The following NTNG1 variants were observed in gnomAD, a reference collection of about 807,000 sequenced individuals.
The protein encoded by NTNG1 is netrin-G1.
A neutral mutation model predicts 54.0 loss-of-function variants in NTNG1; 16 were observed. The observed-to-expected ratio is 0.30, with a 90% CI of 0.20 to 0.45. NTNG1 has a LOEUF of 0.45. Ranked by LOEUF, NTNG1 falls within the 20% of genes least tolerant of loss-of-function variation. The pLI is 1.00. For missense variants in NTNG1, 530 were observed against 678.7 expected, an observed-to-expected ratio of 0.78 and a Z score of 2.43; for synonymous variants, 255 against 263.1, an observed-to-expected ratio of 0.97 and a Z score of 0.30.
chr1:107,209,944 G>A (rs1659494924), intron 2 of NTNG1, among the ~76,000 whole-genome samples: 1 of 151,798 alleles, frequency 6.6e-6, no homozygotes, highest in Non-Finnish European at 1.5e-5. Flanking sequence ...TAAATTGGAT[G>A]GTTCAGGATT....
At chr1:107,379,764 C>A (rs1671526177) in intron 3 of NTNG1, among the ~76,000 whole-genome samples, 1 of 151,962 alleles carries the variant, frequency 6.6e-6, no homozygotes, top group African/African-American at 2.4e-5. Flanking sequence ...TGTTAAAATC[C>A]AGTTTTACAG....
chr1:107,314,153 C>G (rs1201481932), intron 2 of NTNG1, among the ~76,000 whole-genome samples: 1 of 152,080 alleles, frequency 6.6e-6, no homozygotes, highest in African/African-American at 2.4e-5. Flanking sequence ...GCCTGTAATC[C>G]CAGCACTTTG....
intron 2 of NTNG1, among the ~76,000 whole-genome samples, chr1:107,303,834 A>C (rs1022790285): frequency 1.8e-4 from 28 of 151,930 alleles, no homozygotes; most frequent in South Asian, 4.2e-4. Flanking sequence ...CTACAGGCGC[A>C]CGCCACCACA....
At chr1:107,221,356 CA>C (rs1452409643) in intron 2 of NTNG1, among the ~76,000 whole-genome samples, 1 of 152,144 alleles carries the variant, frequency 6.6e-6, no homozygotes, top group Non-Finnish European at 1.5e-5. Context: ...TAAAAAGAAA[CA>C]AGCAAACACC....
intron 4 of NTNG1, among the ~76,000 whole-genome samples, chr1:107,404,672 C>T (rs1673289586): frequency 6.6e-6 from 1 of 151,984 alleles, no homozygotes; most frequent in African/African-American, 2.4e-5. Flanking sequence ...GGAACTTGTG[C>T]CCTCAGATCT....
chr1:107,402,322 T>A (rs1004396737), intron 4 of NTNG1, among the ~76,000 whole-genome samples: 20 of 152,280 alleles, frequency 1.3e-4, no homozygotes, highest in Admixed American at 4.6e-4. Context: ...GCCTTCTTCA[T>A]GCCAACAGGA....
chr1:107,257,405 A>G (rs1663000747), intron 2 of NTNG1, among the ~76,000 whole-genome samples: 1 of 152,236 alleles, frequency 6.6e-6, no homozygotes, highest in Admixed American at 6.5e-5. Flanking sequence ...TAGACTGGAA[A>G]ATAAAAAGAA....
chr1:107,191,654 A>C (rs1164508995), intron 2 of NTNG1, among the ~76,000 whole-genome samples: 1 of 151,024 alleles, frequency 6.6e-6, no homozygotes, highest in Non-Finnish European at 1.5e-5. Flanking sequence ...ATGGCTAGCC[A>C]GTTTTCCCAG....
At chr1:107,291,487 A>G (rs1665601865) in intron 2 of NTNG1, among the ~76,000 whole-genome samples, 2 of 152,316 alleles carry the variant, frequency 1.3e-5, no homozygotes, top group South Asian at 4.1e-4. Flanking sequence ...ACATATGTAT[A>G]TGTAAATATA....
chr1:107,285,445 T>G (rs1665132585), intron 2 of NTNG1, among the ~76,000 whole-genome samples: 1 of 152,116 alleles, frequency 6.6e-6, no homozygotes, highest in Non-Finnish European at 1.5e-5. Flanking sequence ...CTTTTTCCCT[T>G]TCAAAGGCTT....
intron 2 of NTNG1, among the ~76,000 whole-genome samples, chr1:107,258,113 C>T (rs1301552720): frequency 1.3e-5 from 2 of 151,916 alleles, no homozygotes; most frequent in Non-Finnish European, 2.9e-5. Context: ...GCAGTCTTGC[C>T]CTGTGTAGAT....
At chr1:107,332,618 T>G (rs1480015414) in intron 3 of NTNG1, among the ~76,000 whole-genome samples, 1 of 152,056 alleles carries the variant, frequency 6.6e-6, no homozygotes, top group East Asian at 1.9e-4. Flanking sequence ...GGCCATTGTT[T>G]GATACTTAGT....
intron 5 of NTNG1, among the ~76,000 whole-genome samples, chr1:107,410,809 G>A (rs1673749294): frequency 6.6e-6 from 1 of 151,904 alleles, no homozygotes; most frequent in Non-Finnish European, 1.5e-5. Flanking sequence ...ATGATCTTTG[G>A]TCCTGAAAAG....
intron 3 of NTNG1, among the ~76,000 whole-genome samples, chr1:107,326,651 T>C (rs1483937177): frequency 6.6e-6 from 1 of 152,122 alleles, no homozygotes; most frequent in Non-Finnish European, 1.5e-5. Flanking sequence ...TCTACATTGC[T>C]CGGTAGATTC....
intron 7 of NTNG1, among the ~76,000 whole-genome samples, chr1:107,456,538 A>G: frequency 6.6e-6 from 1 of 152,128 alleles, no homozygotes. Context: ...CTCCCACCAG[A>G]ATCAAGTAGA....
intron 2 of NTNG1, among the ~76,000 whole-genome samples, chr1:107,308,546 T>G (rs1666818572): frequency 6.6e-6 from 1 of 152,186 alleles, no homozygotes; most frequent in South Asian, 2.1e-4. Context: ...ACTGTTTTGG[T>G]TACTGTAGCC....
chr1:107,171,535 T>C lies in NTNG1; in HGVS notation c.246+22696T>C, dbSNP rs2101092573. 2.0e-5 allele frequency among the ~76,000 whole-genome samples: 3 copies of C among 152,254 alleles called. No individual in the cohort carries two copies. The East Asian group carries it at 5.8e-4, about 29-fold the overall frequency. On this transcript the variant is annotated intron_variant, in intron 2 of 7. Transcript: ENST00000370068. ...ATGACTCAAAGACACTGGGTTCTTT[T>C]TCGGTCTCCTCAGCAGCCAGTGGTC... is the stretch of plus-strand genomic sequence containing the variant.
At chr1:107,356,016 G>A (rs1418450569) in intron 3 of NTNG1, among the ~76,000 whole-genome samples, 1 of 152,008 alleles carries the variant, frequency 6.6e-6, no homozygotes, top group Non-Finnish European at 1.5e-5. Context: ...TCATATTTTG[G>A]GCTGTTTTAC....
At chr1:107,264,650 TTGCATC>T (rs1450484043) in intron 2 of NTNG1, among the ~76,000 whole-genome samples, 1 of 152,258 alleles carries the variant, frequency 6.6e-6, no homozygotes, top group African/African-American at 2.4e-5. Flanking sequence ...GAAAATCATT[TTGCATC>T]TATTTAGATG....
Sources: allele counts gnomAD v4.1 joint callset (sites outside exome capture counted in the v4.1 genomes callset), GRCh38; gene constraint gnomAD v4.1.1; transcripts MANE v1.5; gene names NCBI Gene and HGNC (gene_info 2026-07-23, HGNC 2026-07-21).